The following KCND3 variants were observed in gnomAD, a reference collection of about 807,000 sequenced individuals.
KCND3 encodes potassium voltage-gated channel subfamily D member 3.
Under a neutral mutation model 51.1 loss-of-function variants are expected in KCND3, and 9 were observed. That is an observed-to-expected ratio of 0.18 (90% CI 0.11 to 0.31). The LOEUF is 0.31. Ranked by LOEUF, KCND3 falls within the 10% of genes least tolerant of loss-of-function variation. The pLI is 1.00. For synonymous variants in KCND3, 349 were observed against 368.0 expected (o/e 0.95, Z 0.59); for missense variants, 526 against 903.8 (o/e 0.58, Z 5.36).
intron 2 of KCND3, among the ~76,000 whole-genome samples, chr1:111,827,010 T>G (rs900783676): frequency 3.3e-5 from 5 of 152,226 alleles, no homozygotes; most frequent in Admixed American, 6.5e-5. Context: ...AATCCAATAC[T>G]CCACTGAGCA....
intron 2 of KCND3, among the ~76,000 whole-genome samples, chr1:111,897,079 G>A (rs762089611): frequency 6.6e-6 from 1 of 152,258 alleles, no homozygotes; most frequent in African/African-American, 2.4e-5. Flanking sequence ...GGGCAGGCGA[G>A]GAGCAGGTGC....
intron 2 of KCND3, among the ~76,000 whole-genome samples, chr1:111,940,988 T>C (rs535766902): frequency 1.3e-5 from 2 of 152,348 alleles, no homozygotes; most frequent in East Asian, 3.9e-4. Flanking sequence ...TTACTGCTGT[T>C]CTTTGCTCCC....
chr1:111,826,501 A>G (rs1364904331), intron 2 of KCND3, among the ~76,000 whole-genome samples: 1 of 152,166 alleles, frequency 6.6e-6, no homozygotes, highest in Non-Finnish European at 1.5e-5. Context: ...TTGTATGTGC[A>G]CACACCCACC....
intron 2 of KCND3, among the ~76,000 whole-genome samples, chr1:111,899,514 C>A (rs1670282732): frequency 6.6e-6 from 1 of 152,214 alleles, no homozygotes; most frequent in Non-Finnish European, 1.5e-5. Context: ...TGCAGAAAGG[C>A]CTCCTAAGAT....
chr1:111,858,992 C>G (rs979929796), intron 2 of KCND3, among the ~76,000 whole-genome samples: 1 of 152,242 alleles, frequency 6.6e-6, no homozygotes, highest in Non-Finnish European at 1.5e-5. Context: ...CTGGGACCAG[C>G]AGCACAATAG....
intron 2 of KCND3, among the ~76,000 whole-genome samples, chr1:111,855,129 A>C (rs1668004931): frequency 6.6e-6 from 1 of 152,202 alleles, no homozygotes; most frequent in African/African-American, 2.4e-5. Flanking sequence ...CCTTAGGCCC[A>C]TGGGGGAGGT....
At chr1:111,896,559 G>T (rs939103271) in intron 2 of KCND3, among the ~76,000 whole-genome samples, 1 of 152,182 alleles carries the variant, frequency 6.6e-6, no homozygotes, top group African/African-American at 2.4e-5. Context: ...CCTGTCAGCT[G>T]TCTAGTAGAG....
chr1:111,949,079 AG>A (rs1213340495), intron 2 of KCND3, among the ~76,000 whole-genome samples: 1 of 152,214 alleles, frequency 6.6e-6, no homozygotes, highest in Non-Finnish European at 1.5e-5. Flanking sequence ...TTTGTCCCAC[AG>A]GGGCTTGCAA....
At chr1:111,888,233 G>A (rs1669657511) in intron 2 of KCND3, among the ~76,000 whole-genome samples, 1 of 152,264 alleles carries the variant, frequency 6.6e-6, no homozygotes, top group African/African-American at 2.4e-5. Flanking sequence ...AAGAGAAGAA[G>A]CTGGAGGTGG....
intron 2 of KCND3, among the ~76,000 whole-genome samples, chr1:111,867,501 G>C (rs952480510): frequency 6.6e-6 from 1 of 152,134 alleles, no homozygotes; most frequent in Non-Finnish European, 1.5e-5. Flanking sequence ...AGGGAAACCC[G>C]CCTTAGGATG....
chr1:111,921,365 C>A (rs1671469287), intron 2 of KCND3, among the ~76,000 whole-genome samples: 1 of 152,156 alleles, frequency 6.6e-6, no homozygotes, highest in South Asian at 2.1e-4. Context: ...TTCAATGGAG[C>A]TTGGGTCAAG....
intron 2 of KCND3, among the ~76,000 whole-genome samples, chr1:111,936,278 C>T (rs543637006): frequency 5.9e-5 from 9 of 152,262 alleles, no homozygotes; most frequent in South Asian, 2.1e-4. Context: ...GTCCCTGCAA[C>T]GTGCCAGCAT....
intron 2 of KCND3, among the ~76,000 whole-genome samples, chr1:111,956,573 A>T (rs994703431): frequency 6.6e-6 from 1 of 151,990 alleles, no homozygotes; most frequent in Non-Finnish European, 1.5e-5. Flanking sequence ...CTCGAGTCCC[A>T]CTTTTCTTTT....
chr1:111,874,146 T>A (rs1668948401), intron 2 of KCND3, among the ~76,000 whole-genome samples: 1 of 152,162 alleles, frequency 6.6e-6, no homozygotes, highest in Admixed American at 6.5e-5. Context: ...AAAACATAAT[T>A]GGTAAGGCAA....
chr1:111,915,501 C>T (rs1671155302), intron 2 of KCND3, among the ~76,000 whole-genome samples: 1 of 151,930 alleles, frequency 6.6e-6, no homozygotes, highest in South Asian at 2.1e-4. Flanking sequence ...GCCTGTAATC[C>T]CAGCACTTTG....
intron 2 of KCND3, among the ~76,000 whole-genome samples, chr1:111,815,641 T>C (rs1666051049): frequency 6.6e-6 from 1 of 151,694 alleles, no homozygotes; most frequent in Non-Finnish European, 1.5e-5. Context: ...CCAACACCTC[T>C]GACCCTGCTC....
chr1:111,867,656 T>C (rs201585968), intron 2 of KCND3, among the ~76,000 whole-genome samples: 37 of 152,276 alleles, frequency 2.4e-4, no homozygotes, highest in Admixed American at 2.0e-4. Context: ...ATGAGTCTTC[T>C]TCCCTCTCTC....
intron 2 of KCND3, among the ~76,000 whole-genome samples, chr1:111,947,337 T>C (rs9429615): frequency 6.6e-6 from 1 of 152,032 alleles, no homozygotes; most frequent in African/African-American, 2.4e-5. Flanking sequence ...TAACAGTGAG[T>C]AAAACAAGGT....
At chr1:111,779,050 C>T (rs552819198) in intron 5 of KCND3, among the ~76,000 whole-genome samples, 1 of 152,294 alleles carries the variant, frequency 6.6e-6, no homozygotes, top group African/African-American at 2.4e-5. Context: ...AAAGTCTATA[C>T]ATGAATATAT....
Sources: gnomAD v4.1 joint callset for allele counts (sites outside exome capture counted in the v4.1 genomes callset) on GRCh38, gnomAD v4.1.1 for gene constraint, MANE v1.5 for transcripts, NCBI Gene and HGNC (gene_info 2026-07-23, HGNC 2026-07-21) for gene names.